The following IFT81 variants were observed in gnomAD, a reference collection of about 807,000 sequenced individuals.
IFT81 encodes intraflagellar transport 81.
A neutral mutation model predicts 102.6 loss-of-function variants in IFT81; 72 were observed. The ratio of observed to expected loss-of-function variants is 0.70; its 90% CI spans 0.58 to 0.85. The LOEUF (loss-of-function observed/expected upper bound fraction) is 0.85. Ranked by LOEUF, IFT81 falls within the 40% of genes least tolerant of loss-of-function variation. IFT81 has a pLI of 0.00. For synonymous variants in IFT81, 237 were observed against 242.7 expected (o/e 0.98, Z 0.22); for missense variants, 723 against 787.3 (o/e 0.92, Z 0.98).
chr12:110,217,702 C>T (rs964355654), intron 18 of IFT81, among the ~76,000 whole-genome samples: 3 of 152,110 alleles, frequency 2.0e-5, no homozygotes, highest in African/African-American at 7.2e-5. Context: ...GCTGGGACTA[C>T]AGGCGCGTGC....
chr12:110,182,915 C>T (rs1181260036), intron 12 of IFT81, among the ~76,000 whole-genome samples: 1 of 152,142 alleles, frequency 6.6e-6, no homozygotes, highest in African/African-American at 2.4e-5. Context: ...GAGACCTATG[C>T]TTTCTATCGG....
At chr12:110,184,011 C>T (rs1897413243) in intron 12 of IFT81, among the ~76,000 whole-genome samples, 1 of 152,186 alleles carries the variant, frequency 6.6e-6, no homozygotes, top group Non-Finnish European at 1.5e-5. Context: ...ATGAGAGTTT[C>T]TTTAAAGCCC....
chr12:110,214,411 C>A (rs934483990), intron 18 of IFT81, among the ~76,000 whole-genome samples: 1 of 151,904 alleles, frequency 6.6e-6, no homozygotes, highest in South Asian at 2.1e-4. Flanking sequence ...TAGAGTAGAT[C>A]TAAATTTTCA....
chr12:110,194,055 G>A (rs528798841), intron 14 of IFT81, among the ~76,000 whole-genome samples: 1 of 151,978 alleles, frequency 6.6e-6, no homozygotes, highest in Non-Finnish European at 1.5e-5. Context: ...GTGGGAGGAG[G>A]GGCCTCACAC....
intron 11 of IFT81, among the ~76,000 whole-genome samples, chr12:110,167,150 T>C (rs1027411241): frequency 6.6e-6 from 1 of 152,140 alleles, no homozygotes; most frequent in Non-Finnish European, 1.5e-5. Flanking sequence ...GCTACAGATA[T>C]TTTTTTCTTT....
intron 4 of IFT81, among the ~76,000 whole-genome samples, chr12:110,130,379 T>TC (rs1232625317): frequency 2.0e-5 from 3 of 151,822 alleles, no homozygotes; most frequent in Middle Eastern, 3.4e-3. Context: ...TTTTTTTTTT[T>TC]TTCCGAGACA....
chr12:110,191,056 T>C lies in IFT81; in HGVS notation c.1467+8T>C. 1 of 1,589,848 alleles carries C rather than the reference T, an allele frequency of 6.3e-7. No individual in the cohort carries two copies. ...GATGATATGTCTGAAATGGTGATGA[T>C]ACTTTTATTTAAATTTTCTTTTATT... On this transcript the variant is annotated splice_region_variant and intron_variant, in intron 13 of 18. Transcript: ENST00000242591.
At chr12:110,142,028 G>A (rs1032319731) in intron 8 of IFT81, among the ~76,000 whole-genome samples, 1 of 152,128 alleles carries the variant, frequency 6.6e-6, no homozygotes, top group African/African-American at 2.4e-5. Context: ...TTGTCCAACT[G>A]CAAAAATAAG....
chr12:110,144,990 C>T (rs1341661440), intron 9 of IFT81, among the ~76,000 whole-genome samples: 3 of 147,724 alleles, frequency 2.0e-5, no homozygotes, highest in African/African-American at 5.0e-5. Context: ...CTCAGCCTCT[C>T]GACTAGCTGG....
chr12:110,180,413 T>G lies in IFT81; in HGVS notation c.1189-9T>G. 20 of 1,569,664 alleles carry G rather than the reference T, an allele frequency of 1.3e-5. No homozygotes were observed. Among genetic ancestry groups the G allele is most frequent in the Non-Finnish European group, 1.7e-5 (20 of 1,146,858 alleles). ...ACTCATTAGATTACATATTGTGTTT[T>G]TTTTACAGTTCAAACGATATGTCAA... On this transcript the variant is annotated splice_polypyrimidine_tract_variant and intron_variant, in intron 11 of 18. Coordinates refer to ENST00000242591, the MANE Select transcript of IFT81 (RefSeq NM_014055.4).
intron 6 of IFT81, 68 bp downstream of exon 6, chr12:110,135,081 C>G (rs1894401199): frequency 8.4e-7 from 1 of 1,186,346 alleles, no homozygotes. Context: ...TTTAGGAATG[C>G]AAATAAAGAT....
chr12:110,189,058 G>A (rs1381718027), intron 12 of IFT81, among the ~76,000 whole-genome samples: 1 of 152,052 alleles, frequency 6.6e-6, no homozygotes, highest in African/African-American at 2.4e-5. Context: ...CCATCTTCCT[G>A]TAAAACTTCT....
At chr12:110,215,356 C>T (rs1451867477) in intron 18 of IFT81, among the ~76,000 whole-genome samples, 7 of 151,412 alleles carry the variant, frequency 4.6e-5, no homozygotes, top group Admixed American at 1.3e-4. Context: ...TGTGCACTTT[C>T]ACCTTCTCTA....
chr12:110,130,777 T>TATATAC (rs914861902), intron 4 of IFT81, among the ~76,000 whole-genome samples: 1 of 151,878 alleles, frequency 6.6e-6, no homozygotes, highest in African/African-American at 2.4e-5. Flanking sequence ...TATATATATG[T>TATATAC]ATATACATAT....
At chr12:110,139,818 T>TAAAATAAATAAAATAAAATAAAATA (rs1555260154) in intron 8 of IFT81, among the ~76,000 whole-genome samples, 1 of 105,500 alleles carries the variant, frequency 9.5e-6, no homozygotes, top group African/African-American at 3.6e-5. Context: ...TAAAATAAAA[T>TAAAATAAATAAAATAAAATAAAATA]AAATAAAATA....
At chr12:110,201,944 T>G (rs757617741) in intron 14 of IFT81, among the ~76,000 whole-genome samples, 1 of 152,192 alleles carries the variant, frequency 6.6e-6, no homozygotes, top group Non-Finnish European at 1.5e-5. Flanking sequence ...AGGACTTGCC[T>G]GAGGCTGTTT....
chr12:110,192,242 T>G (rs1336593431), intron 13 of IFT81, among the ~76,000 whole-genome samples: 3 of 152,148 alleles, frequency 2.0e-5, no homozygotes, highest in Non-Finnish European at 4.4e-5. Flanking sequence ...CTTATGCTAT[T>G]TGGACTATAC....
intron 14 of IFT81, among the ~76,000 whole-genome samples, chr12:110,198,394 C>A (rs1431533060): frequency 6.6e-6 from 1 of 151,514 alleles, no homozygotes; most frequent in Non-Finnish European, 1.5e-5. Context: ...TTCCCTATAA[C>A]TGGTTTTCAT....
chr12:110,151,187 C>T lies in IFT81; in HGVS notation c.1041+4139C>T, dbSNP rs375182172. Among the ~76,000 whole-genome samples, 51 of 152,266 alleles carry T rather than the reference C, an allele frequency of 3.3e-4. 1 individual carries two copies. The South Asian group carries it at 9.3e-3, about 28-fold the overall frequency. The stretch of plus-strand genomic sequence containing the variant: ...TTAGCACCCACTTTCCATTTCTCCC[C>T]TAAACCCCCAATTTCAACTGATTTG... On this transcript the variant is annotated intron_variant, in intron 10 of 18. Transcript: ENST00000242591.
Sources: allele counts gnomAD v4.1 joint callset (sites outside exome capture counted in the v4.1 genomes callset), GRCh38; gene constraint gnomAD v4.1.1; transcripts MANE v1.5; gene names NCBI Gene and HGNC (gene_info 2026-07-23, HGNC 2026-07-21).